The following NKAIN2 variants were observed in gnomAD, a reference collection of about 807,000 sequenced individuals.
The protein encoded by NKAIN2 is sodium/potassium-transporting ATPase subunit beta-1-interacting protein 2.
In NKAIN2, 14 loss-of-function variants were observed where a neutral mutation model predicts 32.6. That is an observed-to-expected ratio of 0.43 (90% CI 0.28 to 0.67). NKAIN2 has a LOEUF of 0.67. Among genes scored for constraint, NKAIN2 ranks in the 30% least tolerant of loss-of-function variants. The pLI is 0.17. For synonymous variants in NKAIN2, 80 were observed against 87.2 expected, an observed-to-expected ratio of 0.92 and a Z score of 0.46; for missense variants, 198 against 258.3, an observed-to-expected ratio of 0.77 and a Z score of 1.60.
intron 1 of NKAIN2, among the ~76,000 whole-genome samples, chr6:123,970,653 C>A (rs2206945): frequency 0.32 from 49,212 of 151,762 alleles, 8,123 homozygotes; most frequent in South Asian, 0.49. Flanking sequence ...CCAAGGAGGG[C>A]AGATTGCCTG....
intron 3 of NKAIN2, among the ~76,000 whole-genome samples, chr6:124,423,219 C>T (rs1050763051): frequency 6.6e-6 from 1 of 152,042 alleles, no homozygotes; most frequent in East Asian, 1.9e-4. Flanking sequence ...GTCATATGAA[C>T]TATTACTATT....
intron 1 of NKAIN2, among the ~76,000 whole-genome samples, chr6:124,112,468 C>A (rs1436812506): frequency 6.6e-6 from 1 of 152,090 alleles, no homozygotes; most frequent in East Asian, 1.9e-4. Flanking sequence ...GGACTGGTCA[C>A]ATTTTCTTGA....
intron 2 of NKAIN2, among the ~76,000 whole-genome samples, chr6:124,294,432 T>G (rs902672032): frequency 6.6e-6 from 1 of 152,160 alleles, no homozygotes; most frequent in Non-Finnish European, 1.5e-5. Flanking sequence ...ACAATTATTT[T>G]TAAAGGTTTT....
At chr6:124,448,108 G>A (rs969381066) in intron 3 of NKAIN2, among the ~76,000 whole-genome samples, 4 of 151,956 alleles carry the variant, frequency 2.6e-5, no homozygotes, top group Non-Finnish European at 5.9e-5. Flanking sequence ...ACTAAATGGC[G>A]CTATGCATAT....
chr6:124,134,821 T>TAG (rs1786652506), intron 1 of NKAIN2, among the ~76,000 whole-genome samples: 3 of 152,262 alleles, frequency 2.0e-5, no homozygotes, highest in Admixed American at 1.3e-4. Context: ...GTGAAAAGAT[T>TAG]ATCACCTAGG....
chr6:124,182,287 CAAGAT>C (rs1050051377), intron 1 of NKAIN2, among the ~76,000 whole-genome samples: 4 of 152,080 alleles, frequency 2.6e-5, no homozygotes, highest in African/African-American at 9.7e-5. Context: ...AGCTACAACT[CAAGAT>C]GAGATTTGGG....
intron 1 of NKAIN2, among the ~76,000 whole-genome samples, chr6:123,995,645 T>C (rs1324503242): frequency 6.6e-6 from 1 of 152,170 alleles, no homozygotes; most frequent in Non-Finnish European, 1.5e-5. Flanking sequence ...GTCAGCTCCA[T>C]CAGGTAAAAG....
intron 1 of NKAIN2, among the ~76,000 whole-genome samples, chr6:124,078,665 G>T (rs1783807496): frequency 6.6e-6 from 1 of 151,942 alleles, no homozygotes; most frequent in African/African-American, 2.4e-5. Context: ...CTAGTTTAAA[G>T]AAGTTCTCTT....
intron 1 of NKAIN2, among the ~76,000 whole-genome samples, chr6:124,117,919 AT>A (rs1294865218): frequency 4.6e-5 from 7 of 150,998 alleles, no homozygotes; most frequent in Non-Finnish European, 1.5e-5. Context: ...AAAAAAAGCT[AT>A]CAGGAAAGAT....
chr6:124,327,808 G>A (rs1797485320), intron 2 of NKAIN2, among the ~76,000 whole-genome samples: 1 of 152,090 alleles, frequency 6.6e-6, no homozygotes, highest in Admixed American at 6.6e-5. Flanking sequence ...GTATGTGGAT[G>A]CACTCACAAA....
intron 1 of NKAIN2, among the ~76,000 whole-genome samples, chr6:124,169,436 C>T (rs937972798): frequency 1.3e-5 from 2 of 152,244 alleles, no homozygotes; most frequent in African/African-American, 4.8e-5. Flanking sequence ...TACAGTTTCA[C>T]ATTGATGGCT....
At chr6:124,209,457 A>G (rs802236) in intron 1 of NKAIN2, among the ~76,000 whole-genome samples, 87,647 of 151,538 alleles carry the variant, frequency 0.58, 27,859 homozygotes, top group South Asian at 0.72. Context: ...TTTCTTTGGG[A>G]TATATACTCA....
chr6:124,537,167 G>C (rs997026546), intron 3 of NKAIN2, among the ~76,000 whole-genome samples: 2 of 152,184 alleles, frequency 1.3e-5, no homozygotes, highest in African/African-American at 2.4e-5. Flanking sequence ...GCTCACAGCT[G>C]CTTCACTCCT....
At chr6:124,572,656 A>G (rs910221314) in intron 3 of NKAIN2, among the ~76,000 whole-genome samples, 7 of 151,378 alleles carry the variant, frequency 4.6e-5, no homozygotes, top group African/African-American at 1.7e-4. Flanking sequence ...ATGTTATCCA[A>G]TTATATTAGA....
chr6:123,921,688 T>C (rs1351757476), intron 1 of NKAIN2, among the ~76,000 whole-genome samples: 2 of 152,200 alleles, frequency 1.3e-5, no homozygotes, highest in African/African-American at 2.4e-5. Flanking sequence ...AGGAAAAGCA[T>C]TTCTTATTTC....
chr6:124,051,832 G>T (rs1303370365), intron 1 of NKAIN2, among the ~76,000 whole-genome samples: 1 of 151,984 alleles, frequency 6.6e-6, no homozygotes, highest in Non-Finnish European at 1.5e-5. Context: ...AAGGCCAAAA[G>T]CAGATAAAAG....
At chr6:124,635,849 C>T (rs1168601433) in intron 3 of NKAIN2, among the ~76,000 whole-genome samples, 4 of 152,054 alleles carry the variant, frequency 2.6e-5, no homozygotes, top group Admixed American at 1.3e-4. Flanking sequence ...TAGTTGGAGA[C>T]TTCAAAATAC....
chr6:124,027,701 T>A (rs1172794209), intron 1 of NKAIN2, among the ~76,000 whole-genome samples: 2 of 145,338 alleles, frequency 1.4e-5, no homozygotes, highest in African/African-American at 2.6e-5. Flanking sequence ...CTCAACTGAA[T>A]CAACTGTCAA....
chr6:124,752,588 G>A (rs929282552), intron 4 of NKAIN2, among the ~76,000 whole-genome samples: 2 of 151,720 alleles, frequency 1.3e-5, no homozygotes, highest in Non-Finnish European at 2.9e-5. Flanking sequence ...TTTGGGGAGT[G>A]TAAGCATTTA....
Sources: allele counts gnomAD v4.1 joint callset (sites outside exome capture counted in the v4.1 genomes callset), GRCh38; gene constraint gnomAD v4.1.1; transcripts MANE v1.5; gene names NCBI Gene and HGNC (gene_info 2026-07-23, HGNC 2026-07-21).